The following HMCN1 variants were observed in gnomAD, a reference collection of about 807,000 sequenced individuals.
HMCN1 encodes the protein hemicentin-1.
Under a neutral mutation model 625.9 loss-of-function variants are expected in HMCN1, and 321 were observed. The ratio of observed to expected loss-of-function variants is 0.51; its 90% CI spans 0.47 to 0.56. HMCN1 has a LOEUF of 0.56. Among genes scored for constraint, HMCN1 ranks in the 20% least tolerant of loss-of-function variants. HMCN1 has a pLI of 0.00. For synonymous variants in HMCN1, 2,425 were observed against 2,417.6 expected, an observed-to-expected ratio of 1.00 and a Z score of -0.09; for missense variants, 6,588 against 6,887.3, an observed-to-expected ratio of 0.96 and a Z score of 1.54.
chr1:185,783,000 G>A (rs1012381657), intron 1 of HMCN1, among the ~76,000 whole-genome samples: 12 of 152,038 alleles, frequency 7.9e-5, no homozygotes. Context: ...ACGCACATTT[G>A]GTCTTTTCAT....
In HMCN1 at chr1:186,103,881, T is replaced by C. The variant is rs556379672; in HGVS notation, c.10770+213T>C. 1.4e-4 allele frequency among the ~76,000 whole-genome samples: 22 copies of C among 152,294 alleles called. No individual in the cohort carries two copies. In the South Asian group the frequency reaches 4.6e-3, roughly 32 times the overall value. On this transcript the variant is annotated intron_variant, in intron 69 of 106. Transcript: ENST00000271588. The stretch of plus-strand genomic sequence containing the variant: ...ATATTAAACTCCGAAGAAAGCAAGA[T>C]ACCTTTCCATTAACTTTTGCAAGTT...
intron 36 of HMCN1, among the ~76,000 whole-genome samples, chr1:186,025,146 C>CA (rs1654980597): frequency 6.6e-6 from 1 of 152,050 alleles, no homozygotes; most frequent in Non-Finnish European, 1.5e-5. Flanking sequence ...GCACAGTTCA[C>CA]AATAGGGTTC....
chr1:186,184,338 G>A (rs538362784), intron 105 of HMCN1, among the ~76,000 whole-genome samples: 62 of 152,230 alleles, frequency 4.1e-4, no homozygotes, highest in African/African-American at 1.4e-3. Flanking sequence ...CTTTTTATTT[G>A]CATATGATTT....
intron 60 of HMCN1, 132 bp from the exon 61 acceptor site, chr1:186,087,800 C>T (rs554244474): frequency 8.7e-7 from 1 of 1,145,906 alleles, no homozygotes; most frequent in Non-Finnish European, 1.3e-6. Flanking sequence ...TAAAAAATAG[C>T]AAGATTGCAG....
chr1:186,167,083 A>T, intron 100 of HMCN1, 141 bp downstream of exon 100: 1 of 1,042,022 alleles, frequency 9.6e-7, no homozygotes, highest in Non-Finnish European at 1.5e-6. Flanking sequence ...ATATCCAGCA[A>T]GAGGGACTCC....
Position 186,000,089 on chromosome 1 carries a change from T to C in HMCN1, c.3919T>C (p.Leu1307=), listed in dbSNP as rs765363143. Residue 1307 remains leucine, a synonymous_variant, in exon 26 of 107, where the codon TTG becomes CTG. Coordinates refer to ENST00000271588, the MANE Select transcript of HMCN1 (RefSeq NM_031935.3). Reference sequence around the variant, plus strand: ...CAAATGGTTACACAATGGTAGAGAGTTGACAGGCAGAGAGCCTGGCATTTC... The same window carrying C: ...CAAATGGTTACACAATGGTAGAGAGCTGACAGGCAGAGAGCCTGGCATTTC... The part of the protein sequence containing the change: ...TIKWLHNGRE[L]TGREPGISIL... 4 of 1,612,876 alleles carry C rather than the reference T, an allele frequency of 2.5e-6. No homozygotes were observed. The East Asian group carries it at 6.7e-5, about 27-fold the overall frequency.
At chr1:185,791,219 T>C (rs1001260804) in intron 1 of HMCN1, among the ~76,000 whole-genome samples, 3 of 152,194 alleles carry the variant, frequency 2.0e-5, no homozygotes, top group Non-Finnish European at 4.4e-5. Context: ...CAGAGATAAC[T>C]AGTTTGTTCA....
intron 97 of HMCN1, among the ~76,000 whole-genome samples, chr1:186,164,388 T>C (rs572453444): frequency 7.4e-4 from 113 of 152,050 alleles, no homozygotes; most frequent in Non-Finnish European, 3.5e-4. Flanking sequence ...TACAGGCACC[T>C]GCCACCACAC....
At chr1:186,070,171 T>C (rs780127842) in intron 51 of HMCN1, among the ~76,000 whole-genome samples, 3 of 152,248 alleles carry the variant, frequency 2.0e-5, no homozygotes, top group Non-Finnish European at 2.9e-5. Context: ...TACATTGACC[T>C]ATAAATAAAA....
At chr1:186,143,690 G>C (rs1273015950) in intron 89 of HMCN1, among the ~76,000 whole-genome samples, 2 of 152,214 alleles carry the variant, frequency 1.3e-5, no homozygotes, top group Non-Finnish European at 2.9e-5. Context: ...ATATGAAGCT[G>C]AATCAGGCTT....
intron 48 of HMCN1, 118 bp downstream of exon 48, chr1:186,062,718 A>G (rs1032873553): frequency 1.4e-6 from 1 of 715,546 alleles, no homozygotes; most frequent in Non-Finnish European, 2.6e-6. Flanking sequence ...GTTTTGTTAC[A>G]TGGATATATT....
chr1:186,081,357 A>G lies in HMCN1; in HGVS notation c.8750A>G (p.Asp2917Gly). 2.5e-6 allele frequency: 4 copies of G among 1,613,636 alleles called. No individual in the cohort carries two copies. Among genetic ancestry groups the G allele is most frequent in the Non-Finnish European group, 3.4e-6 (4 of 1,179,688 alleles). ...GATGGACAGCCCTTGCTAGAAGATG[A>G]CCATCATAAATTTCTATCTAATGGA... is the stretch of plus-strand genomic sequence containing the variant. ...QKDGQPLLED[D>G]HHKFLSNGRI... The change falls in exon 56 of 107, where the codon GAC becomes GGC. Residue 2917 changes from aspartate to glycine, a missense_variant. Coordinates refer to ENST00000271588, the MANE Select transcript of HMCN1 (RefSeq NM_031935.3).
intron 70 of HMCN1, 39 bp from the exon 71 acceptor site, chr1:186,108,419 GATA>G: frequency 6.2e-7 from 1 of 1,613,762 alleles, no homozygotes; most frequent in South Asian, 1.1e-5. Flanking sequence ...GGATACCTAT[GATA>G]ATACAGATTG....
chr1:186,008,674 A>G (rs560224485), intron 30 of HMCN1, among the ~76,000 whole-genome samples: 2 of 152,246 alleles, frequency 1.3e-5, no homozygotes, highest in East Asian at 3.9e-4. Context: ...CAGCCTTAAA[A>G]TGGGGATAAT....
At chr1:186,127,965 A>T in intron 82 of HMCN1, 113 bp from the exon 83 acceptor site, 1 of 894,148 alleles carries the variant, frequency 1.1e-6, no homozygotes, top group Non-Finnish European at 1.8e-6. Context: ...ATGGAAATTT[A>T]AATTGTCTTT....
intron 58 of HMCN1, 59 bp downstream of exon 58, chr1:186,086,466 C>G: frequency 6.6e-7 from 1 of 1,525,640 alleles, no homozygotes; most frequent in Non-Finnish European, 9.1e-7. Context: ...TTAATACAAA[C>G]AGCATTTCAA....
chr1:185,934,089 C>A (rs1391079274), intron 11 of HMCN1, among the ~76,000 whole-genome samples: 1 of 152,104 alleles, frequency 6.6e-6, no homozygotes, highest in African/African-American at 2.4e-5. Context: ...TAAAAATTGT[C>A]TCTGGATAAA....
At chr1:185,833,414 T>C (rs1660986197) in intron 1 of HMCN1, among the ~76,000 whole-genome samples, 4 of 152,190 alleles carry the variant, frequency 2.6e-5, no homozygotes, top group Admixed American at 2.6e-4. Context: ...AGGCTTTAAA[T>C]AGTCAACTTC....
intron 1 of HMCN1, among the ~76,000 whole-genome samples, chr1:185,766,564 A>G (rs898332284): frequency 6.6e-5 from 10 of 152,166 alleles, no homozygotes; most frequent in African/African-American, 2.4e-4. Context: ...AAATGAAATA[A>G]ACAGATCTTT....
Sources: allele counts gnomAD v4.1 joint callset (sites outside exome capture counted in the v4.1 genomes callset), GRCh38; gene constraint gnomAD v4.1.1; transcripts MANE v1.5; gene names NCBI Gene and HGNC (gene_info 2026-07-23, HGNC 2026-07-21).